Variants in DPH6 observed in about 807,000 individuals in gnomAD.
The protein encoded by DPH6 is diphthamine biosynthesis 6.
DPH6 carries 33 observed loss-of-function variants against 38.2 expected under a neutral mutation model. That is an observed-to-expected ratio of 0.86 (90% CI 0.65 to 1.15). The LOEUF (loss-of-function observed/expected upper bound fraction) is 1.15. Among genes scored for constraint, DPH6 ranks in the 50% most tolerant of loss-of-function variants. DPH6 has a pLI of 0.00. For missense variants in DPH6, 325 were observed against 320.0 expected, an observed-to-expected ratio of 1.02 and a Z score of -0.12; for synonymous variants, 108 against 103.0, an observed-to-expected ratio of 1.05 and a Z score of -0.30.
the DPH6 span, among the ~76,000 whole-genome samples, chr15:35,146,229 A>G: frequency 7.9e-5 from 12 of 152,300 alleles, no homozygotes; most frequent in Admixed American, 7.2e-4. Context: ...AAGTAAGCTT[A>G]TAAGGAAGAA....
downstream of DPH6, among the ~76,000 whole-genome samples, chr15:35,328,366 TC>T (rs751907565): frequency 4.6e-5 from 7 of 152,194 alleles, no homozygotes; most frequent in Non-Finnish European, 1.0e-4. Context: ...TTTTTGTCTC[TC>T]TCTCTCTCTC....
rs1239465157 is a variant in DPH6, at chr15:35,428,650, A to T, written c.506-17754T>A. Reference sequence around the variant, plus strand: ...AGACCTGTTTCACTGTATAACTTCCACTTGCTCTTTGAATTGTCCTCTGAA... The same window carrying T: ...AGACCTGTTTCACTGTATAACTTCCTCTTGCTCTTTGAATTGTCCTCTGAA... On this transcript the variant is annotated intron_variant, in intron 5 of 8. Coordinates refer to ENST00000256538, the MANE Select transcript of DPH6 (RefSeq NM_080650.4). Among the ~76,000 whole-genome samples, 3 of 152,050 alleles carry T rather than the reference A, an allele frequency of 2.0e-5. No individual in the cohort carries two copies. In the East Asian group the frequency reaches 5.8e-4, roughly 29 times the overall value.
At chr15:35,165,186 T>G in the DPH6 span, among the ~76,000 whole-genome samples, 1 of 151,886 alleles carries the variant, frequency 6.6e-6, no homozygotes, top group African/African-American at 2.4e-5. Flanking sequence ...CTGACAACTT[T>G]ATTACACACC....
At chr15:35,226,777 C>T (rs75499846) in intron 3 of DPH6, among the ~76,000 whole-genome samples, 7 of 152,288 alleles carry the variant, frequency 4.6e-5, no homozygotes, top group East Asian at 3.9e-4. Context: ...ACAGGTTGAA[C>T]GCAATACTGA....
At chr15:35,258,784 T>G (rs1376647071) in intron 3 of DPH6, among the ~76,000 whole-genome samples, 2 of 152,166 alleles carry the variant, frequency 1.3e-5, no homozygotes, top group African/African-American at 4.8e-5. Flanking sequence ...TTTCATTTCC[T>G]CAATCCTTTC....
At chr15:35,434,652 C>T (rs1278750530) in intron 5 of DPH6, among the ~76,000 whole-genome samples, 2 of 151,886 alleles carry the variant, frequency 1.3e-5, no homozygotes, top group South Asian at 2.1e-4. Context: ...ATGTATCAGG[C>T]AAATGTAAAG....
At chr15:35,533,238 G>A (rs1019653719) in intron 3 of DPH6, among the ~76,000 whole-genome samples, 1 of 152,064 alleles carries the variant, frequency 6.6e-6, no homozygotes. Context: ...TATATTTGGA[G>A]ATTCACCCTT....
At chr15:35,468,664 G>A (rs1179681536) in intron 3 of DPH6, among the ~76,000 whole-genome samples, 1 of 151,466 alleles carries the variant, frequency 6.6e-6, no homozygotes, top group Non-Finnish European at 1.5e-5. Flanking sequence ...GATTATCAGA[G>A]GTTATGGGGC....
chr15:35,540,209 G>A (rs1174251768), intron 2 of DPH6, among the ~76,000 whole-genome samples: 1 of 152,062 alleles, frequency 6.6e-6, no homozygotes, highest in Admixed American at 6.5e-5. Flanking sequence ...GGAAGCTACA[G>A]AGCAACAATA....
At position 35,473,740 on chromosome 15, in the gene DPH6, C is replaced by G. The variant is rs80239694; in HGVS notation, c.313-18920G>C. Among the ~76,000 whole-genome samples the G allele has an allele frequency of 3.1e-3, 473 of 152,088 alleles. 3 individuals are homozygous for G. In the East Asian group the frequency reaches 0.035, roughly 11 times the overall value. On this transcript the variant is annotated intron_variant, in intron 3 of 8. Transcript: ENST00000256538. ...TGTACCAGGACATTCATGGTAATAG[C>G]AAAAGATTGGGTACAACCTAAATGC...
the DPH6 span, among the ~76,000 whole-genome samples, chr15:35,169,373 C>T: frequency 3.1e-4 from 47 of 152,170 alleles, no homozygotes; most frequent in East Asian, 5.8e-4. Flanking sequence ...TTTTATTTCA[C>T]AAAGGATTAA....
intron 6 of DPH6, among the ~76,000 whole-genome samples, chr15:35,393,256 A>G (rs1400200770): frequency 1.3e-5 from 2 of 152,134 alleles, no homozygotes; most frequent in East Asian, 3.9e-4. Context: ...GAGAGTAGAT[A>G]TTTTGAGAGA....
At chr15:35,443,284 T>A (rs2053811353) in intron 5 of DPH6, among the ~76,000 whole-genome samples, 1 of 152,108 alleles carries the variant, frequency 6.6e-6, no homozygotes, top group African/African-American at 2.4e-5. Context: ...GTATGCTGAG[T>A]CCCAACAAGA....
chr15:35,249,176 G>C (rs2051655503), intron 3 of DPH6, among the ~76,000 whole-genome samples: 2 of 152,140 alleles, frequency 1.3e-5, no homozygotes, highest in South Asian at 4.1e-4. Flanking sequence ...ACAACAAGAT[G>C]GCTACATACT....
At chr15:35,503,430 C>A (rs2054653119) in intron 3 of DPH6, among the ~76,000 whole-genome samples, 1 of 152,040 alleles carries the variant, frequency 6.6e-6, no homozygotes, top group Non-Finnish European at 1.5e-5. Flanking sequence ...ATTTAAAATT[C>A]TCCTCAAAGC....
chr15:35,446,806 C>T (rs1234379398), intron 5 of DPH6, among the ~76,000 whole-genome samples: 1 of 151,958 alleles, frequency 6.6e-6, no homozygotes, highest in Non-Finnish European at 1.5e-5. Flanking sequence ...TAGTGAACTG[C>T]TCCTACATTG....
At chr15:35,530,799 G>A (rs556545246) in intron 3 of DPH6, among the ~76,000 whole-genome samples, 1 of 152,244 alleles carries the variant, frequency 6.6e-6, no homozygotes, top group South Asian at 2.1e-4. Context: ...CCTCATGCAC[G>A]CTTGACTTTA....
At chr15:35,209,332 A>G in the DPH6 span, among the ~76,000 whole-genome samples, 1 of 152,202 alleles carries the variant, frequency 6.6e-6, no homozygotes, top group African/African-American at 2.4e-5. Flanking sequence ...TTAACTTAAA[A>G]GTCTTACTTT....
chr15:35,258,877 G>T (rs1414453848), intron 3 of DPH6, among the ~76,000 whole-genome samples: 1 of 151,968 alleles, frequency 6.6e-6, no homozygotes, highest in Non-Finnish European at 1.5e-5. Flanking sequence ...GGCCGGGCAC[G>T]GTGGCTCACA....
Sources: allele counts gnomAD v4.1 joint callset (sites outside exome capture counted in the v4.1 genomes callset), GRCh38; gene constraint gnomAD v4.1.1; transcripts MANE v1.5; gene names NCBI Gene and HGNC (gene_info 2026-07-23, HGNC 2026-07-21).